Variants in ARHGAP31 observed in about 807,000 individuals in gnomAD.
ARHGAP31 encodes Rho GTPase activating protein 31.
Under a neutral mutation model 113.9 loss-of-function variants are expected in ARHGAP31, and 34 were observed. The observed-to-expected ratio is 0.30, with a 90% CI of 0.23 to 0.40. The LOEUF is 0.40. ARHGAP31 is among the 10% of genes least tolerant of loss of function. The pLI is 1.00. For synonymous variants in ARHGAP31, 650 were observed against 684.8 expected (o/e 0.95, Z 0.79); for missense variants, 1,548 against 1,767.1 (o/e 0.88, Z 2.22).
intron 9 of ARHGAP31, among the ~76,000 whole-genome samples, chr3:119,399,945 T>C (rs1014922192): frequency 2.0e-5 from 3 of 152,198 alleles, no homozygotes; most frequent in Non-Finnish European, 4.4e-5. Context: ...CTCTCTCTTC[T>C]ATTTCTGTTA....
Position 119,383,158 on chromosome 3 carries a change from T to C in ARHGAP31, c.614T>C (p.Ile205Thr), listed in dbSNP as rs368795933. The C allele has an allele frequency of 1.4e-5, 22 of 1,614,108 alleles. No individual in the cohort carries two copies. The highest frequency in any genetic ancestry group is 1.7e-5 in the Non-Finnish European group (20 of 1,180,030). Residue 205 changes from isoleucine (I) to threonine (T), a missense_variant, in exon 6 of 12, where the codon ATT (isoleucine) becomes ACT (threonine). Ile to Thr is a moderately conservative substitution (Grantham distance 89). Transcript: ENST00000264245. ...FLAVRVQQVV[I>T]EFILNHVDQI... ...GCAGTCCGGGTCCAGCAGGTGGTGA[T>C]TGAGTTCATATTGAATCATGTAGAT...
rs1024449945 is a variant in ARHGAP31, at chr3:119,413,869, T to C, written c.1940T>C (p.Leu647Pro). Residue 647 changes from leucine to proline, a missense_variant, in exon 12 of 12, where the codon CTG becomes CCG. Leu to Pro is a moderately conservative substitution (Grantham distance 98). Coordinates refer to ENST00000264245, the MANE Select transcript of ARHGAP31 (RefSeq NM_020754.4). The stretch of plus-strand genomic sequence containing the variant: ...GATGTTTTTCAGGATGAAGATGATC[T>C]GGCCAATGCCCTGATCTGGCCTGAG... ...VLLHEMDEDD[L>P]ANALIWPEIQ... 1.9e-6 allele frequency: 3 copies of C among 1,614,114 alleles called. No homozygotes were observed. The highest frequency in any genetic ancestry group is 2.7e-5 in the African/African-American group (2 of 74,936).
At chr3:119,298,268 T>C (rs1173709389) in intron 1 of ARHGAP31, among the ~76,000 whole-genome samples, 1 of 152,202 alleles carries the variant, frequency 6.6e-6, no homozygotes, top group Non-Finnish European at 1.5e-5. Flanking sequence ...TAAAGGGAGA[T>C]CATCCCTTCC....
At chr3:119,319,892 A>G (rs2079766986) in intron 1 of ARHGAP31, among the ~76,000 whole-genome samples, 1 of 152,204 alleles carries the variant, frequency 6.6e-6, no homozygotes, top group Admixed American at 6.5e-5. Flanking sequence ...AGGGAGGGAC[A>G]ATGATAAAAA....
chr3:119,297,944 A>ACC (rs1491077659), intron 1 of ARHGAP31, among the ~76,000 whole-genome samples: 5 of 149,266 alleles, frequency 3.3e-5, no homozygotes, highest in Admixed American at 6.7e-5. Context: ...ACACACACAC[A>ACC]CCGTGTATGC....
chr3:119,350,262 GC>G (rs1340238624), intron 1 of ARHGAP31, among the ~76,000 whole-genome samples: 1 of 152,180 alleles, frequency 6.6e-6, no homozygotes, highest in African/African-American at 2.4e-5. Context: ...AGGCTTCCAA[GC>G]AAAGCGGTTC....
chr3:119,311,754 T>C (rs904795699), intron 1 of ARHGAP31, among the ~76,000 whole-genome samples: 1 of 152,162 alleles, frequency 6.6e-6, no homozygotes, highest in African/African-American at 2.4e-5. Flanking sequence ...TTATCTGTCC[T>C]GGGGAGGGAA....
intron 1 of ARHGAP31, among the ~76,000 whole-genome samples, chr3:119,298,330 T>C (rs1027581069): frequency 1.3e-5 from 2 of 152,212 alleles, no homozygotes; most frequent in Admixed American, 6.5e-5. Flanking sequence ...TCTTGACCAC[T>C]GAATAAGAAG....
At chr3:119,378,233 C>T (rs2080365310) in intron 3 of ARHGAP31, among the ~76,000 whole-genome samples, 1 of 152,118 alleles carries the variant, frequency 6.6e-6, no homozygotes, top group Admixed American at 6.5e-5. Flanking sequence ...CCCAGTTGCC[C>T]CAGCTGTGGG....
rs1269021842 is a variant in ARHGAP31 at position 119,420,664 on chromosome 3, A to G, written c.*4400A>G. The G allele has an allele frequency of 6.6e-6, 1 of 152,234 alleles. No individual in the cohort carries two copies. Among genetic ancestry groups the G allele is most frequent in the East Asian group, 1.9e-4 (1 of 5,202 alleles). The allele number at this position is 152,234 out of a possible 1,614,324, so 9.4% of individuals were successfully genotyped here. ...CAATGCTTTGCAATAACTTAATGTC[A>G]TAGTACTTTCTGGCTTATAATTCTG... On this transcript the variant is annotated 3_prime_UTR_variant, in exon 12 of 12. Transcript: ENST00000264245.
At chr3:119,373,062 GGT>G (rs1317481768) in intron 3 of ARHGAP31, among the ~76,000 whole-genome samples, 3 of 152,062 alleles carry the variant, frequency 2.0e-5, no homozygotes, top group Non-Finnish European at 4.4e-5. Context: ...GGTGGAGAAG[GGT>G]TTCCTAACCA....
rs2079589327 is a variant in ARHGAP31, at chr3:119,302,088, G to GAAAATAT, written c.100+7085_100+7086insAAATATA. Among the ~76,000 whole-genome samples the GAAAATAT allele has an allele frequency of 2.6e-5, 4 of 152,230 alleles. 1 individual carries two copies. The highest frequency in any genetic ancestry group is 9.6e-5 in the African/African-American group (4 of 41,530). On this transcript the variant is annotated intron_variant, in intron 1 of 11. Coordinates refer to ENST00000264245, the MANE Select transcript of ARHGAP31 (RefSeq NM_020754.4). ...CAAGCTTCAAGTTATTTTTCTTTTT[G>GAAAATAT]ACTATGGGTCCATGTCCTACCCAAT...
chr3:119,305,783 G>GC (rs2079626521), intron 1 of ARHGAP31, among the ~76,000 whole-genome samples: 1 of 152,340 alleles, frequency 6.6e-6, no homozygotes, highest in East Asian at 1.9e-4. Flanking sequence ...TCTGAATCAA[G>GC]CTCAGAGCTG....
rs935357747 is a variant in ARHGAP31, at chr3:119,418,319, G to T, written c.*2055G>T. The T allele has an allele frequency of 2.0e-5, 3 of 152,146 alleles. No homozygotes were observed. The highest frequency in any genetic ancestry group is 4.4e-5 in the Non-Finnish European group (3 of 68,030). 9.4% of individuals were successfully genotyped at this position (152,146 alleles called of 1,614,324 possible). ...TAGTATTTTTCCCCAGGCCAGCAAA[G>T]TGAAGAAATACAGTGGTGACAGATG... On this transcript the variant is annotated 3_prime_UTR_variant, in exon 12 of 12. Transcript: ENST00000264245.
chr3:119,373,594 G>T (rs902800559), intron 3 of ARHGAP31, among the ~76,000 whole-genome samples: 1 of 152,134 alleles, frequency 6.6e-6, no homozygotes, highest in Non-Finnish European at 1.5e-5. Context: ...CTCCTGAGTA[G>T]CTGGGATTAC....
rs16829782 is a variant in ARHGAP31, at chr3:119,383,078, C to T, written c.540-6C>T. Reference sequence around the variant, plus strand: ...ACTAACTGAATATGTTTCTTCCACACGGTAGGTCTAAAGAAATTGAAGCCA... The same window carrying T: ...ACTAACTGAATATGTTTCTTCCACATGGTAGGTCTAAAGAAATTGAAGCCA... On this transcript the variant is annotated splice_region_variant and splice_polypyrimidine_tract_variant and intron_variant, in intron 5 of 11. Coordinates refer to ENST00000264245, the MANE Select transcript of ARHGAP31 (RefSeq NM_020754.4). The T allele has an allele frequency of 0.07, 112,992 of 1,613,922 alleles. 4,821 individuals carry two copies. Among genetic ancestry groups the T allele is most frequent in the Admixed American group, 0.2 (11,767 of 60,012 alleles).
chr3:119,335,824 T>C (rs968292809), intron 1 of ARHGAP31, among the ~76,000 whole-genome samples: 18 of 152,174 alleles, frequency 1.2e-4, no homozygotes, highest in African/African-American at 4.3e-4. Context: ...AATCTGCAAA[T>C]GGGCATCAAC....
intron 8 of ARHGAP31, among the ~76,000 whole-genome samples, chr3:119,395,218 G>C (rs2107637471): frequency 6.6e-6 from 1 of 152,316 alleles, no homozygotes; most frequent in Non-Finnish European, 1.5e-5. Context: ...GGATCAGGAA[G>C]TCCAGATGTT....
intron 1 of ARHGAP31, chr3:119,314,265 G>A (rs747853433): frequency 3.3e-5 from 5 of 152,256 alleles, no homozygotes; most frequent in East Asian, 3.8e-4. Flanking sequence ...ACCTCAGCTC[G>A]GATGTCTCAT....
Sources: gnomAD v4.1 joint callset for allele counts (sites outside exome capture counted in the v4.1 genomes callset) on GRCh38, gnomAD v4.1.1 for gene constraint, MANE v1.5 for transcripts, NCBI Gene and HGNC (gene_info 2026-07-23, HGNC 2026-07-21) for gene names.